JAKMIP2: variants seen among roughly 807,000 people sequenced by gnomAD.
JAKMIP2 encodes the protein janus kinase and microtubule-interacting protein 2.
JAKMIP2 carries 25 observed loss-of-function variants against 115.0 expected under a neutral mutation model. The ratio of observed to expected loss-of-function variants is 0.22; its 90% CI spans 0.16 to 0.30. The LOEUF is 0.30. Among genes scored for constraint, JAKMIP2 ranks in the 10% least tolerant of loss-of-function variants. The pLI is 1.00. For missense variants in JAKMIP2, 642 were observed against 957.6 expected, an observed-to-expected ratio of 0.67 and a Z score of 4.35; for synonymous variants, 334 against 343.6, an observed-to-expected ratio of 0.97 and a Z score of 0.31.
intron 20 of JAKMIP2, among the ~76,000 whole-genome samples, chr5:147,607,969 TTATAG>T (rs1756116815): frequency 6.6e-6 from 1 of 152,164 alleles, no homozygotes; most frequent in Non-Finnish European, 1.5e-5. Context: ...ATAGAGGTGT[TTATAG>T]TATTCTCTGA....
In JAKMIP2 at chr5:147,587,256, T is replaced by C. The variant is rs1754910633; in HGVS notation, c.*4451A>G. The C allele has an allele frequency of 6.6e-6, 1 of 152,220 alleles. No homozygotes were observed. Among genetic ancestry groups the C allele is most frequent in the Non-Finnish European group, 1.5e-5 (1 of 68,052 alleles). The allele number at this position is 152,220 out of a possible 1,614,324, so 9.4% of individuals were successfully genotyped here. A position where few individuals can be genotyped will look rare whatever the true frequency, so the allele number is the denominator to read the frequency against. ...TTGAATGTTTATCATTCAAAAGTTA[T>C]ATTGAATTTTTTCAATGTAATAGAT... On this transcript the variant is annotated 3_prime_UTR_variant, in exon 22 of 22. Coordinates refer to ENST00000616793, the MANE Select transcript of JAKMIP2 (RefSeq NM_001270941.2).
intron 1 of JAKMIP2, among the ~76,000 whole-genome samples, chr5:147,682,121 A>T (rs1189304506): frequency 3.3e-5 from 5 of 152,134 alleles, no homozygotes; most frequent in Admixed American, 2.6e-4. Context: ...CCAGTAAGCA[A>T]AGGGTTATGG....
At chr5:147,771,172 G>A (rs1755339132) in intron 1 of JAKMIP2, among the ~76,000 whole-genome samples, 3 of 152,222 alleles carry the variant, frequency 2.0e-5, no homozygotes. Context: ...GGGGAAAGTA[G>A]TTTAGCTTAT....
chr5:147,655,884 G>A (rs1242983427), intron 3 of JAKMIP2, among the ~76,000 whole-genome samples: 3 of 152,094 alleles, frequency 2.0e-5, no homozygotes, highest in South Asian at 4.1e-4. Flanking sequence ...AGAGATTCTG[G>A]TACATTGTCT....
intron 1 of JAKMIP2, among the ~76,000 whole-genome samples, chr5:147,702,600 GAAGGAAAGAAAGAAAGAAAGAAA>G (rs1561547325): frequency 1.1e-4 from 11 of 102,334 alleles, no homozygotes; most frequent in African/African-American, 4.0e-4. Flanking sequence ...AAGAAAGAAA[GAAGGAAAGAAAGAAAGAAAGAAA>G]GAAAGAAAGA....
chr5:147,711,283 C>T (rs1752769897), intron 1 of JAKMIP2, among the ~76,000 whole-genome samples: 1 of 152,090 alleles, frequency 6.6e-6, no homozygotes. Flanking sequence ...GTTGGCAAGT[C>T]CACGGGAGTG....
rs139115766 is a variant in JAKMIP2, at chr5:147,769,219, C to G, written c.-149+13237G>C. On this transcript the variant is annotated intron_variant, in intron 1 of 21. Transcript: ENST00000616793. ...CAGTCCTCCCCGGAGTTGTGCCCCTCTGGAACCCACCCTCAAAGTGTGAGA... is the reference window on the plus strand; with the variant it reads ...CAGTCCTCCCCGGAGTTGTGCCCCTGTGGAACCCACCCTCAAAGTGTGAGA... Among the ~76,000 whole-genome samples, 522 of 152,224 alleles carry G rather than the reference C, an allele frequency of 3.4e-3. 3 individuals are homozygous for G. Among genetic ancestry groups the G allele is most frequent in the African/African-American group, 0.012 (503 of 41,548 alleles).
chr5:147,625,013 C>T (rs922565293), intron 16 of JAKMIP2, among the ~76,000 whole-genome samples: 1 of 150,968 alleles, frequency 6.6e-6, no homozygotes, highest in Non-Finnish European at 1.5e-5. Context: ...CAAAGTTTCA[C>T]TCTGTCACCC....
intron 1 of JAKMIP2, among the ~76,000 whole-genome samples, chr5:147,715,847 T>C (rs1348292848): frequency 1.3e-5 from 1 of 75,640 alleles, no homozygotes; most frequent in Non-Finnish European, 2.3e-5. Context: ...TTTACTTTCT[T>C]TTTTTTTTAA....
intron 4 of JAKMIP2, among the ~76,000 whole-genome samples, chr5:147,649,415 C>A (rs1758285119): frequency 6.6e-6 from 1 of 152,052 alleles, no homozygotes; most frequent in African/African-American, 2.4e-5. Flanking sequence ...ATATGAGGTA[C>A]TACTATAGCT....
chr5:147,709,747 G>A (rs1337232381), intron 1 of JAKMIP2, among the ~76,000 whole-genome samples: 1 of 152,114 alleles, frequency 6.6e-6, no homozygotes, highest in Admixed American at 6.5e-5. Context: ...CTACTCAGGA[G>A]GCTGAGGCAG....
intron 1 of JAKMIP2, among the ~76,000 whole-genome samples, chr5:147,767,647 C>A (rs768206978): frequency 7.2e-5 from 11 of 151,948 alleles, no homozygotes; most frequent in Non-Finnish European, 1.3e-4. Flanking sequence ...GTATTAAATA[C>A]AGAAAAAATA....
chr5:147,709,755 C>A (rs913446131), intron 1 of JAKMIP2, among the ~76,000 whole-genome samples: 2 of 152,092 alleles, frequency 1.3e-5, no homozygotes, highest in African/African-American at 4.8e-5. Flanking sequence ...GAGGCTGAGG[C>A]AGAGAACTGC....
At chr5:147,634,138 A>G (rs930771246) in intron 12 of JAKMIP2, among the ~76,000 whole-genome samples, 25 of 152,196 alleles carry the variant, frequency 1.6e-4, no homozygotes, top group Non-Finnish European at 3.7e-4. Context: ...CCTTTTTACC[A>G]TAGCACGAAT....
chr5:147,618,337 G>A (rs1365107446), intron 18 of JAKMIP2, among the ~76,000 whole-genome samples: 1 of 150,972 alleles, frequency 6.6e-6, no homozygotes, highest in Non-Finnish European at 1.5e-5. Context: ...CTTCTCTAGT[G>A]AGGGAACATT....
At position 147,730,217 on chromosome 5, in the gene JAKMIP2, A is replaced by G. The variant is rs139524768; in HGVS notation, c.-149+52239T>C. ...AGGCCAGTTAGAAGGTTGATAAAGA[A>G]TGTAAGCAGATTCAAGGTTTTAGAA... On this transcript the variant is annotated intron_variant, in intron 1 of 21. Coordinates refer to ENST00000616793, the MANE Select transcript of JAKMIP2 (RefSeq NM_001270941.2). 2.6e-5 allele frequency among the ~76,000 whole-genome samples: 4 copies of G among 152,284 alleles called. No individual in the cohort carries two copies. The East Asian group carries it at 7.7e-4, about 29-fold the overall frequency.
At chr5:147,640,323 T>C (rs1757822350) in intron 9 of JAKMIP2, among the ~76,000 whole-genome samples, 1 of 152,164 alleles carries the variant, frequency 6.6e-6, no homozygotes, top group Admixed American at 6.5e-5. Flanking sequence ...TCATTGTAAC[T>C]GAGCCCTCTA....
chr5:147,629,974 A>G (rs1757283414), intron 14 of JAKMIP2, among the ~76,000 whole-genome samples: 1 of 152,210 alleles, frequency 6.6e-6, no homozygotes, highest in Non-Finnish European at 1.5e-5. Context: ...AAATGGAGAT[A>G]ATAAATTCCT....
chr5:147,758,199 C>T (rs1754814458), intron 1 of JAKMIP2, among the ~76,000 whole-genome samples: 1 of 152,024 alleles, frequency 6.6e-6, no homozygotes. Flanking sequence ...AGAATATTGT[C>T]CACTAGTTTC....
Sources: gnomAD v4.1 joint callset for allele counts (sites outside exome capture counted in the v4.1 genomes callset) on GRCh38, gnomAD v4.1.1 for gene constraint, MANE v1.5 for transcripts, NCBI Gene and HGNC (gene_info 2026-07-23, HGNC 2026-07-21) for gene names.